Variants in CUX2 observed in about 807,000 individuals in gnomAD.
CUX2 encodes cut like homeobox 2, also known as homeobox protein cut-like 2.
In CUX2, 40 loss-of-function variants were observed where a neutral mutation model predicts 144.8. That is an observed-to-expected ratio of 0.28 (90% CI 0.21 to 0.36). The LOEUF (loss-of-function observed/expected upper bound fraction) is 0.36. Ranked by LOEUF, CUX2 falls within the 10% of genes least tolerant of loss-of-function variation. The probability of loss-of-function intolerance (pLI) is 1.00; values close to 1 mark genes in which losing one functional copy is unlikely to be tolerated. For synonymous variants in CUX2, 827 were observed against 875.6 expected (o/e 0.94, Z 0.98); for missense variants, 1,615 against 1,994.0 (o/e 0.81, Z 3.62).
At chr12:111,154,280 G>T (rs1237628520) in intron 1 of CUX2, among the ~76,000 whole-genome samples, 1 of 152,080 alleles carries the variant, frequency 6.6e-6, no homozygotes, top group Non-Finnish European at 1.5e-5. Flanking sequence ...TCCCATGAAT[G>T]ATGCAAAAGT....
At chr12:111,228,323 A>G (rs534766489) in intron 3 of CUX2, among the ~76,000 whole-genome samples, 1 of 152,222 alleles carries the variant, frequency 6.6e-6, no homozygotes, top group South Asian at 2.1e-4. Flanking sequence ...TGGTTCCAGG[A>G]CCTGCCCCAT....
intron 3 of CUX2, among the ~76,000 whole-genome samples, chr12:111,222,772 C>T (rs1406742110): frequency 6.6e-6 from 1 of 152,146 alleles, no homozygotes; most frequent in Non-Finnish European, 1.5e-5. Context: ...GGTGGGCGTG[C>T]ATGGTTGTGT....
At position 111,190,636 on chromosome 12, in the gene CUX2, A is replaced by G. The variant is rs1879817864; in HGVS notation, c.64-23564A>G. Among the ~76,000 whole-genome samples, 1 of 152,246 alleles carries G rather than the reference A, an allele frequency of 6.6e-6. No homozygotes were observed. Among genetic ancestry groups the G allele is most frequent in the African/African-American group, 2.4e-5 (1 of 41,472 alleles). On this transcript the variant is annotated intron_variant, in intron 1 of 21. Transcript: ENST00000261726. This position sits in a 1 kb window ranked among gnomAD's most constrained non-coding sequence, Gnocchi z 4.0. ...CGCCTGGCATTTTTAGCTGATCAAT[A>G]GACCCTTTGTGGCCTAACAGAGACA...
chr12:111,147,598 G>C (rs1377531839), intron 1 of CUX2, among the ~76,000 whole-genome samples: 2 of 152,182 alleles, frequency 1.3e-5, no homozygotes, highest in African/African-American at 2.4e-5. Context: ...GGGGCCCCCA[G>C]ATTGCTCGAT....
chr12:111,153,243 A>G (rs1362014218), intron 1 of CUX2, among the ~76,000 whole-genome samples: 1 of 152,118 alleles, frequency 6.6e-6, no homozygotes, highest in Non-Finnish European at 1.5e-5. Flanking sequence ...TTATTCACTT[A>G]TTTATTCATT....
intron 1 of CUX2, among the ~76,000 whole-genome samples, chr12:111,074,585 C>T (rs895822007): frequency 1.3e-5 from 2 of 152,010 alleles, no homozygotes; most frequent in African/African-American, 4.8e-5. Context: ...GGTGCCCCTA[C>T]CTTGAGCTGC....
chr12:111,310,465 G>C lies in CUX2; in HGVS notation c.1683G>C (p.Gln561His), dbSNP rs1450041076. The C allele has an allele frequency of 5.0e-6, 8 of 1,613,614 alleles. No homozygotes were observed. In the Admixed American group the frequency reaches 1.3e-4, roughly 27 times the overall value. Residue 561 changes from glutamine (Q) to histidine (H), a missense_variant, in exon 15 of 22, where the codon CAG (glutamine) becomes CAC (histidine). Gln to His is a conservative substitution (Grantham distance 24). Coordinates refer to ENST00000261726, the MANE Select transcript of CUX2 (RefSeq NM_015267.4). The surrounding 1 kb of genome is among the most constrained non-coding windows in gnomAD (Gnocchi z 7.9). ...EQLDTAEIAF[Q>H]VKEQLLKHNI... ...TGGACACGGCAGAGATCGCCTTCCA[G>C]GTGAAGGAGCAGCTGCTGAAACACA...
chr12:111,263,805 T>C lies in CUX2; in HGVS notation c.267T>C (p.Phe89=), dbSNP rs536554797. 3.7e-6 allele frequency: 6 copies of C among 1,614,148 alleles called. No individual in the cohort carries two copies. In the African/African-American group the frequency reaches 8.0e-5, roughly 22 times the overall value. ...SKRSQEAEAA[F]LSVYKQLIEA... ...GAAGTCAGGAGGCGGAGGCTGCTTT[T>C]CTGAGTGTTTACAAGCAATTAATTG... is the stretch of plus-strand genomic sequence containing the variant. Residue 89 remains phenylalanine (F), a synonymous_variant, in exon 4 of 22, where the codon TTT becomes TTC. Coordinates refer to ENST00000261726, the MANE Select transcript of CUX2 (RefSeq NM_015267.4). This position sits in a 1 kb window ranked among gnomAD's most constrained non-coding sequence, Gnocchi z 4.0.
chr12:111,066,229 T>C (rs4378452), intron 1 of CUX2, among the ~76,000 whole-genome samples: 36,663 of 152,134 alleles, frequency 0.24, 6,106 homozygotes, highest in Non-Finnish European at 0.36. Context: ...GTTTTGGCCC[T>C]TGGGAATTTC....
chr12:111,122,489 C>T (rs1229160516), intron 1 of CUX2, among the ~76,000 whole-genome samples: 1 of 152,202 alleles, frequency 6.6e-6, no homozygotes, highest in African/African-American at 2.4e-5. Flanking sequence ...AACCGAACTG[C>T]TCTGGGAGAT....
intron 2 of CUX2, among the ~76,000 whole-genome samples, chr12:111,216,199 G>A (rs192177835): frequency 1.3e-3 from 196 of 152,334 alleles, no homozygotes; most frequent in African/African-American, 4.1e-3. Flanking sequence ...TGAGTGTGGG[G>A]TTTTGAAAAG....
intron 1 of CUX2, among the ~76,000 whole-genome samples, chr12:111,094,531 C>T (rs951914800): frequency 6.6e-6 from 1 of 152,212 alleles, no homozygotes; most frequent in African/African-American, 2.4e-5. Context: ...CAGGGTCTTG[C>T]TCGGTTGCCC....
rs1182850776 is a variant in CUX2 at position 111,061,441 on chromosome 12, CTTTT to C, written c.63+27203_63+27206del. The stretch of plus-strand genomic sequence containing the variant: ...CCCACGACTGCAAGTGAAAGAAGGG[CTTTT>C]TAAAAGTAATTTTGCATTATGGAAG... On this transcript the variant is annotated intron_variant, in intron 1 of 21. Coordinates refer to ENST00000261726, the MANE Select transcript of CUX2 (RefSeq NM_015267.4). The surrounding 1 kb of genome is among the most constrained non-coding windows in gnomAD (Gnocchi z 4.2). Among the ~76,000 whole-genome samples, 1 of 152,090 alleles carries C rather than the reference CTTTT, an allele frequency of 6.6e-6. No individual in the cohort carries two copies. Among genetic ancestry groups the C allele is most frequent in the African/African-American group, 2.4e-5 (1 of 41,406 alleles).
At chr12:111,345,293 C>T (rs1023682609) in intron 21 of CUX2, among the ~76,000 whole-genome samples, 1 of 145,268 alleles carries the variant, frequency 6.9e-6, no homozygotes, top group Non-Finnish European at 1.5e-5. Context: ...ACTAAAAATA[C>T]AAAAATTAGC....
At position 111,179,348 on chromosome 12, in the gene CUX2, A is replaced by G. The variant is rs144849412; in HGVS notation, c.64-34852A>G. ...CCGTGGAGGAGTATTACAAAGATAA[A>G]TCAGGAGACCACATATAAGGTGCAC... On this transcript the variant is annotated intron_variant, in intron 1 of 21. Coordinates refer to ENST00000261726, the MANE Select transcript of CUX2 (RefSeq NM_015267.4). Among the ~76,000 whole-genome samples the G allele has an allele frequency of 1.6e-4, 25 of 152,278 alleles. No homozygotes were observed. In the East Asian group the frequency reaches 3.3e-3, roughly 20 times the overall value.
At position 111,295,188 on chromosome 12, in the gene CUX2, T is replaced by C. The variant is rs1021428191; in HGVS notation, c.561-145T>C. ...GCAGCAGGACAGCCAGGTGCCTGAA[T>C]GTCGTGTCTAAGGACTTGCAGAAAG... On this transcript the variant is annotated intron_variant, in intron 6 of 21. Transcript: ENST00000261726. This position sits in a 1 kb window ranked among gnomAD's most constrained non-coding sequence, Gnocchi z 5.0. 5 of 607,618 alleles carry C rather than the reference T, an allele frequency of 8.2e-6. No homozygotes were observed. The highest frequency in any genetic ancestry group is 3.5e-5 in the Admixed American group (1 of 28,458). 37.6% of individuals were successfully genotyped at this position (607,618 alleles called of 1,614,324 possible).
chr12:111,342,109 T>C, intron 21 of CUX2, 56 bp downstream of exon 21: 1 of 1,554,218 alleles, frequency 6.4e-7, no homozygotes, highest in South Asian at 1.2e-5. Flanking sequence ...TGGGACCCCT[T>C]CCCCATCCCA....
At chr12:111,213,084 G>A (rs1056641929) in intron 1 of CUX2, among the ~76,000 whole-genome samples, 3 of 152,182 alleles carry the variant, frequency 2.0e-5, no homozygotes, top group Non-Finnish European at 4.4e-5. Flanking sequence ...CCGCATCTGC[G>A]TGTGTGTTTT....
At chr12:111,283,204 T>C (rs983125967) in intron 4 of CUX2, among the ~76,000 whole-genome samples, 2 of 149,464 alleles carry the variant, frequency 1.3e-5, no homozygotes, top group Non-Finnish European at 3.0e-5. Flanking sequence ...GGTGATGGAG[T>C]GAGACTCTTG....
Sources: gnomAD v4.1 joint callset for allele counts (sites outside exome capture counted in the v4.1 genomes callset) on GRCh38, gnomAD v4.1.1 for gene constraint, Gnocchi (gnomAD v3.1) non-coding constraint, MANE v1.5 for transcripts, NCBI Gene and HGNC (gene_info 2026-07-23, HGNC 2026-07-21) for gene names.